OR51B5: variants seen among roughly 807,000 people sequenced by gnomAD.
OR51B5 encodes the protein olfactory receptor 51B5.
For missense variants in OR51B5, 456 were observed against 374.6 expected (o/e 1.22, Z -1.79); for synonymous variants, 186 against 144.8 (o/e 1.28, Z -2.04).
At chr11:5,496,484 A>C (rs1439471587) in intron 1 of OR51B5, among the ~76,000 whole-genome samples, 1 of 152,090 alleles carries the variant, frequency 6.6e-6, no homozygotes, top group Non-Finnish European at 1.5e-5. Context: ...TACTCCGATG[A>C]CATTCTTGTG....
intron 1 of OR51B5, chr11:5,489,899 G>T (rs1343848967): frequency 6.2e-6 from 3 of 485,098 alleles, no homozygotes; most frequent in Non-Finnish European, 1.1e-5. Flanking sequence ...TCTCACACTT[G>T]TCTTAAAAGT....
At chr11:5,342,831 TCTC>T (rs769560014) in exon 1 of OR51B5, 282 of 1,613,360 alleles carry the variant, frequency 1.7e-4, no homozygotes, top group Non-Finnish European at 2.3e-4. Context: ...GCCTTGGCCC[TCTC>T]CTCTCTGGAG....
At chr11:5,402,649 T>A (rs143144299) in intron 1 of OR51B5, 4 of 471,182 alleles carry the variant, frequency 8.5e-6, no homozygotes, top group Admixed American at 7.0e-5. Flanking sequence ...TTCATTTTGG[T>A]TGGCATCCCA....
intron 1 of OR51B5, among the ~76,000 whole-genome samples, chr11:5,400,967 A>G (rs975510662): frequency 6.6e-6 from 1 of 152,204 alleles, no homozygotes; most frequent in Non-Finnish European, 1.5e-5. Context: ...TTCGTGTGTG[A>G]ATAGGTAAGC....
At chr11:5,422,713 C>T (rs748016547) in intron 1 of OR51B5, 2 of 1,614,078 alleles carry the variant, frequency 1.2e-6, no homozygotes, top group Admixed American at 3.3e-5. Context: ...TGCCTTTCTG[C>T]CACTCCCACC....
At chr11:5,358,032 G>C (rs1170174836) in intron 1 of OR51B5, among the ~76,000 whole-genome samples, 2 of 151,924 alleles carry the variant, frequency 1.3e-5, no homozygotes, top group Admixed American at 6.6e-5. Flanking sequence ...GCCCAGAAGA[G>C]AAAGCAGGAA....
At chr11:5,470,922 A>C (rs1430514287) in intron 1 of OR51B5, among the ~76,000 whole-genome samples, 1 of 152,200 alleles carries the variant, frequency 6.6e-6, no homozygotes, top group African/African-American at 2.4e-5. Context: ...ATTTGTTTTT[A>C]ATATAAAGTG....
chr11:5,464,049 C>T (rs1262936503), intron 1 of OR51B5, among the ~76,000 whole-genome samples: 1 of 152,088 alleles, frequency 6.6e-6, no homozygotes, highest in Non-Finnish European at 1.5e-5. Context: ...GGGGAAATTG[C>T]TTTTTTATGA....
chr11:5,475,952 A>G (rs1292242109), intron 1 of OR51B5, among the ~76,000 whole-genome samples: 1 of 152,210 alleles, frequency 6.6e-6, no homozygotes, highest in Non-Finnish European at 1.5e-5. Context: ...ACCATCTTGT[A>G]GCATGGACCA....
intron 1 of OR51B5, among the ~76,000 whole-genome samples, chr11:5,397,802 A>G (rs1212948524): frequency 6.6e-6 from 1 of 151,294 alleles, no homozygotes; most frequent in East Asian, 1.9e-4. Flanking sequence ...GAACCAACCC[A>G]AATGTCCAAC....
chr11:5,445,224 AT>A (rs549281887), intron 1 of OR51B5, among the ~76,000 whole-genome samples: 65 of 152,310 alleles, frequency 4.3e-4, no homozygotes, highest in South Asian at 1.9e-3. Context: ...ATGATCAAAT[AT>A]GTTTTAAATA....
chr11:5,359,438 G>C (rs1465002605), intron 1 of OR51B5, among the ~76,000 whole-genome samples: 1 of 126,040 alleles, frequency 7.9e-6, no homozygotes, highest in Non-Finnish European at 1.8e-5. Context: ...ACTTACAAGA[G>C]AGGTGAAGGA....
chr11:5,463,248 A>C (rs1851087311), intron 1 of OR51B5, among the ~76,000 whole-genome samples: 1 of 152,200 alleles, frequency 6.6e-6, no homozygotes, highest in Non-Finnish European at 1.5e-5. Flanking sequence ...TATTTGCACA[A>C]ATAAATAGTT....
chr11:5,385,466 CTTTA>C (rs1849673347), intron 1 of OR51B5: 1 of 151,508 alleles, frequency 6.6e-6, no homozygotes, highest in South Asian at 2.1e-4. Flanking sequence ...GAGGTGAGTA[CTTTA>C]TTTATTCACC....
At position 5,384,892 on chromosome 11, in the gene OR51B5, A is replaced by G. The variant is rs144932585; in HGVS notation, n.85-37982T>C. ...ACAGATGAGTTTGACCACTGTGGAA[A>G]TGTTCTCTAGGGGTTCAAAAATGAA... On this transcript the variant is annotated intron_variant and non_coding_transcript_variant, in intron 1 of 4. Transcript: ENST00000415970. 2.9e-3 allele frequency among the ~76,000 whole-genome samples: 447 copies of G among 152,314 alleles called. 1 individual carries two copies. The highest frequency in any genetic ancestry group is 0.01 in the African/African-American group (423 of 41,574).
chr11:5,469,139 GT>G (rs1851185065), intron 1 of OR51B5: 1 of 227,062 alleles, frequency 4.4e-6, no homozygotes, highest in Non-Finnish European at 8.8e-6. Flanking sequence ...GGCATCAAAA[GT>G]TGTCTCTGGG....
intron 1 of OR51B5, among the ~76,000 whole-genome samples, chr11:5,360,407 C>T (rs1849264026): frequency 6.6e-6 from 1 of 151,568 alleles, no homozygotes; most frequent in Admixed American, 6.6e-5. Context: ...TCATCACTGG[C>T]CATCAGAGAA....
intron 1 of OR51B5, among the ~76,000 whole-genome samples, chr11:5,366,327 G>C (rs909809298): frequency 6.6e-6 from 1 of 152,050 alleles, no homozygotes; most frequent in Non-Finnish European, 1.5e-5. Flanking sequence ...TAAAGAAAAG[G>C]CTACATTACA....
At chr11:5,434,666 G>C (rs1850570010) in intron 1 of OR51B5, among the ~76,000 whole-genome samples, 1 of 152,212 alleles carries the variant, frequency 6.6e-6, no homozygotes. Flanking sequence ...ACAGTGAAAA[G>C]ATTGGCAACG....
Sources: gnomAD v4.1 joint callset for allele counts (sites outside exome capture counted in the v4.1 genomes callset) on GRCh38, gnomAD v4.1.1 for gene constraint, MANE v1.5 for transcripts, NCBI Gene and HGNC (gene_info 2026-07-23, HGNC 2026-07-21) for gene names.